The following DLGAP2 variants were observed in gnomAD, a reference collection of about 807,000 sequenced individuals.
DLGAP2 encodes disks large-associated protein 2.
DLGAP2 carries 26 observed loss-of-function variants against 100.3 expected under a neutral mutation model. The ratio of observed to expected loss-of-function variants is 0.26; its 90% CI spans 0.19 to 0.36. The LOEUF (loss-of-function observed/expected upper bound fraction) is 0.36, where lower values mean the gene tolerates loss of function less well. DLGAP2 is among the 10% of genes least tolerant of loss of function. The pLI, the probability that DLGAP2 is intolerant of heterozygous loss-of-function variation, is 1.00. For synonymous variants in DLGAP2, 886 were observed against 630.1 expected (o/e 1.41, Z -6.08); for missense variants, 1,858 against 1,453.2 (o/e 1.28, Z -4.53).
At chr8:1,593,696 T>C (rs1796359349) in intron 6 of DLGAP2, among the ~76,000 whole-genome samples, 2 of 134,640 alleles carry the variant, frequency 1.5e-5, no homozygotes, top group Non-Finnish European at 1.7e-5. Context: ...CCAAGAGAGC[T>C]CCCAGAGTCT....
intron 3 of DLGAP2, among the ~76,000 whole-genome samples, chr8:1,367,112 A>C (rs1319874434): frequency 6.6e-6 from 1 of 152,222 alleles, no homozygotes; most frequent in African/African-American, 2.4e-5. Flanking sequence ...CATGCACATG[A>C]CCACAGACCC....
intron 4 of DLGAP2, among the ~76,000 whole-genome samples, chr8:1,541,450 G>A (rs1801358000): frequency 6.6e-6 from 1 of 152,190 alleles, no homozygotes; most frequent in Non-Finnish European, 1.5e-5. Flanking sequence ...CACCCCAGAG[G>A]TATGGTCTTA....
chr8:952,567 A>G (rs897887383), intron 2 of DLGAP2, among the ~76,000 whole-genome samples: 2 of 152,056 alleles, frequency 1.3e-5, no homozygotes, highest in African/African-American at 2.4e-5. Context: ...AGCCAGGGAG[A>G]TGGAAGCTGC....
At chr8:1,211,799 CG>C (rs1376933888) in intron 2 of DLGAP2, among the ~76,000 whole-genome samples, 3 of 152,178 alleles carry the variant, frequency 2.0e-5, no homozygotes, top group Non-Finnish European at 2.9e-5. Flanking sequence ...TGCTTGAACC[CG>C]GGAGGTGGAG....
chr8:1,644,082 G>A (rs551644276), intron 8 of DLGAP2, among the ~76,000 whole-genome samples: 1 of 128,050 alleles, frequency 7.8e-6, no homozygotes, highest in East Asian at 2.4e-4. Context: ...CCTCGACCCC[G>A]CCGGTCCTCA....
chr8:1,336,941 A>T (rs1008448511), intron 3 of DLGAP2, among the ~76,000 whole-genome samples: 1 of 152,218 alleles, frequency 6.6e-6, no homozygotes. Flanking sequence ...CATATTTTCT[A>T]AGTACAAGTT....
At position 1,691,445 on chromosome 8, in the gene DLGAP2, C is replaced by G. The variant is rs912556640; in HGVS notation, c.2705-90C>G. 1.2e-5 allele frequency: 13 copies of G among 1,106,998 alleles called. No homozygotes were observed. In the African/African-American group the frequency reaches 2.0e-4, roughly 17 times the overall value. 68.6% of individuals were successfully genotyped at this position (1,106,998 alleles called of 1,614,324 possible). A position where few individuals can be genotyped will look rare whatever the true frequency, so the allele number is the denominator to read the frequency against. ...TCGTCAGTTTTCATCTCCAGTGGGA[C>G]TCGCTCCCTTGGTGTGATGTTTCTG... On this transcript the variant is annotated intron_variant, in intron 12 of 14. Coordinates refer to ENST00000637795, the MANE Select transcript of DLGAP2 (RefSeq NM_001346810.2).
chr8:1,066,299 G>A (rs1055488861), intron 2 of DLGAP2, among the ~76,000 whole-genome samples: 17 of 151,482 alleles, frequency 1.1e-4, no homozygotes, highest in East Asian at 3.9e-4. Context: ...AGGTCTGAGC[G>A]AGGACAGCTC....
intron 3 of DLGAP2, among the ~76,000 whole-genome samples, chr8:1,350,005 C>T (rs1420869802): frequency 6.6e-6 from 1 of 152,082 alleles, no homozygotes; most frequent in East Asian, 1.9e-4. Context: ...ACACATATAA[C>T]CTTACAACTA....
intron 6 of DLGAP2, among the ~76,000 whole-genome samples, chr8:1,613,482 T>C (rs913268094): frequency 1.3e-5 from 2 of 151,304 alleles, no homozygotes; most frequent in African/African-American, 2.4e-5. Flanking sequence ...GCATGGCACA[T>C]GTATACATAT....
At chr8:1,164,302 G>T (rs1796965866) in intron 2 of DLGAP2, among the ~76,000 whole-genome samples, 1 of 78,384 alleles carries the variant, frequency 1.3e-5, no homozygotes, top group Non-Finnish European at 3.0e-5. Context: ...GAGCCCCCCA[G>T]GGTTTGTTTT....
chr8:974,054 T>A (rs1394035201), intron 2 of DLGAP2, among the ~76,000 whole-genome samples: 1 of 152,064 alleles, frequency 6.6e-6, no homozygotes, highest in Admixed American at 6.5e-5. Context: ...ATATGTGGAA[T>A]GGTAATACCA....
intron 1 of DLGAP2, among the ~76,000 whole-genome samples, chr8:797,549 T>C (rs936132919): frequency 2.0e-5 from 3 of 152,164 alleles, no homozygotes; most frequent in Non-Finnish European, 4.4e-5. Context: ...TTGTTTTCAT[T>C]TCTCTTGGGT....
At chr8:1,464,180 TCCAGGACAGCTC>T (rs1798542366) in intron 3 of DLGAP2, among the ~76,000 whole-genome samples, 1 of 152,034 alleles carries the variant, frequency 6.6e-6, no homozygotes. Flanking sequence ...ACAGCACCCG[TCCAGGACAGCTC>T]CCTTCCAGGA....
intron 3 of DLGAP2, among the ~76,000 whole-genome samples, chr8:1,347,726 T>C (rs1191342126): frequency 6.6e-6 from 1 of 151,526 alleles, no homozygotes. Flanking sequence ...GTTGCACTCA[T>C]GGTAGCTGTG....
intron 2 of DLGAP2, among the ~76,000 whole-genome samples, chr8:1,235,530 ATGTC>A (rs1563270371): frequency 5.6e-5 from 1 of 17,964 alleles, no homozygotes; most frequent in Non-Finnish European, 1.6e-4. Flanking sequence ...ACAGAGCATC[ATGTC>A]TAGTTCTCTC....
chr8:739,561 G>T (rs1432196135), intron 1 of DLGAP2: 1 of 152,350 alleles, frequency 6.6e-6, no homozygotes, highest in African/African-American at 2.4e-5. Flanking sequence ...TCTGAGAAAG[G>T]TAATAGATAA....
At chr8:745,640 C>T (rs1439837675) in intron 1 of DLGAP2, among the ~76,000 whole-genome samples, 3 of 152,124 alleles carry the variant, frequency 2.0e-5, no homozygotes, top group Non-Finnish European at 4.4e-5. Context: ...GTGGATGTTC[C>T]CTCCAGTTTT....
intron 2 of DLGAP2, among the ~76,000 whole-genome samples, chr8:1,222,404 C>T (rs993337925): frequency 6.6e-6 from 1 of 152,168 alleles, no homozygotes; most frequent in African/African-American, 2.4e-5. Flanking sequence ...GGGCTAGGAC[C>T]AGTCCCATGG....
Sources: allele counts gnomAD v4.1 joint callset (sites outside exome capture counted in the v4.1 genomes callset), GRCh38; gene constraint gnomAD v4.1.1; transcripts MANE v1.5; gene names NCBI Gene and HGNC (gene_info 2026-07-23, HGNC 2026-07-21).